ZNF169: variants seen among roughly 807,000 people sequenced by gnomAD.
The protein encoded by ZNF169 is zinc finger protein 169.
Under a neutral mutation model 12.0 loss-of-function variants are expected in ZNF169, and 11 were observed. The ratio of observed to expected loss-of-function variants is 0.92; its 90% CI spans 0.58 to 1.52. The LOEUF is 1.52. Among genes scored for constraint, ZNF169 ranks in the 40% most tolerant of loss-of-function variants. The probability of loss-of-function intolerance (pLI) is 0.00; values close to 1 mark genes in which losing one functional copy is unlikely to be tolerated. For missense variants in ZNF169, 722 were observed against 744.0 expected, an observed-to-expected ratio of 0.97 and a Z score of 0.34; for synonymous variants, 302 against 286.5, an observed-to-expected ratio of 1.05 and a Z score of -0.55.
chr9:94,288,197 G>C, intron 2 of ZNF169: 1 of 806,490 alleles, frequency 1.2e-6, no homozygotes. Context: ...GCTCCTACTT[G>C]TACCCTGTCT....
intron 1 of ZNF169, among the ~76,000 whole-genome samples, chr9:94,269,531 C>T (rs1830355070): frequency 6.6e-6 from 1 of 152,164 alleles, no homozygotes; most frequent in Admixed American, 6.5e-5. Flanking sequence ...TGTCTCATTG[C>T]AAGCTGCCAG....
chr9:94,300,182 A>T lies in ZNF169; in HGVS notation c.624A>T (p.Glu208Asp). The T allele has an allele frequency of 6.2e-7, 1 of 1,614,208 alleles. No individual in the cohort carries two copies. Among genetic ancestry groups the T allele is most frequent in the Non-Finnish European group, 8.5e-7 (1 of 1,180,032 alleles). Residue 208 changes from glutamate (E) to aspartate (D), a missense_variant, in exon 5 of 5, where the codon GAA becomes GAT. Physicochemically the swap from Glu to Asp is conservative, Grantham distance 45. Transcript: ENST00000395395. ...TGTTGAAGGGAGCAGACACTTCAGA[A>T]TCTGGAGCAGTCATACGTGGAAACT... ...DTMLKGADTS[E>D]SGAVIRGNYR...
chr9:94,274,639 G>A (rs760753912), intron 1 of ZNF169, among the ~76,000 whole-genome samples: 24 of 152,144 alleles, frequency 1.6e-4, no homozygotes, highest in Non-Finnish European at 2.6e-4. Flanking sequence ...ACATCAGAGC[G>A]TAACCTAGTC....
intron 1 of ZNF169, among the ~76,000 whole-genome samples, chr9:94,270,487 CTA>C (rs935828724): frequency 1.3e-5 from 2 of 148,516 alleles, no homozygotes; most frequent in African/African-American, 2.5e-5. Flanking sequence ...GGTATTAGTG[CTA>C]TGTTTTTGTA....
intron 4 of ZNF169, 78 bp from the exon 5 acceptor site, chr9:94,299,737 T>G: frequency 2.6e-6 from 4 of 1,525,980 alleles, no homozygotes; most frequent in Non-Finnish European, 3.5e-6. Flanking sequence ...GTTGTGAACA[T>G]CTGAAGAAAA....
At chr9:94,297,366 G>A (rs1339319038) in intron 4 of ZNF169, among the ~76,000 whole-genome samples, 2 of 152,046 alleles carry the variant, frequency 1.3e-5, no homozygotes, top group Non-Finnish European at 2.9e-5. Flanking sequence ...TTGCCCCTAA[G>A]TATTTCATAT....
At chr9:94,277,801 G>A (rs1315483464) in intron 1 of ZNF169, among the ~76,000 whole-genome samples, 4 of 151,748 alleles carry the variant, frequency 2.6e-5, no homozygotes, top group Admixed American at 1.3e-4. Context: ...GCGTGATGGC[G>A]GGCGCCTGTA....
At position 94,287,749 on chromosome 9, in the gene ZNF169, C is replaced by A. The variant is rs1372430937; in HGVS notation, c.34-4592C>A. ...CCAAGCTTGTGGCCACCAGCATTGACGTTCTTGCCATCCAGGAGAGCTGAC... is the reference window on the plus strand; with the variant it reads ...CCAAGCTTGTGGCCACCAGCATTGAAGTTCTTGCCATCCAGGAGAGCTGAC... On this transcript the variant is annotated intron_variant, in intron 2 of 4. Coordinates refer to ENST00000395395, the MANE Select transcript of ZNF169 (RefSeq NM_194320.4). 3.6e-6 allele frequency: 5 copies of A among 1,386,982 alleles called. No individual in the cohort carries two copies. In the African/African-American group the frequency reaches 7.1e-5, roughly 20 times the overall value. The allele number at this position is 1,386,982 out of a possible 1,614,324, so 85.9% of individuals were successfully genotyped here. A position where few individuals can be genotyped will look rare whatever the true frequency, so the allele number is the denominator to read the frequency against.
chr9:94,280,069 G>A (rs779004871), intron 2 of ZNF169, among the ~76,000 whole-genome samples: 1 of 152,176 alleles, frequency 6.6e-6, no homozygotes, highest in Non-Finnish European at 1.5e-5. Flanking sequence ...TGCTAATTCA[G>A]TTTTGCTTTG....
At chr9:94,288,262 A>G in intron 2 of ZNF169, 1 of 806,310 alleles carries the variant, frequency 1.2e-6, no homozygotes, top group Non-Finnish European at 2.2e-6. Context: ...ATTGAAGGTC[A>G]GCTTCAGTTC....
intron 2 of ZNF169, among the ~76,000 whole-genome samples, chr9:94,291,009 TAAACA>T: frequency 1.3e-5 from 2 of 151,546 alleles, no homozygotes; most frequent in Admixed American, 1.3e-4. Flanking sequence ...AAAAATTTTT[TAAACA>T]TCTACTCTGA....
At chr9:94,299,396 A>C in intron 4 of ZNF169, 1 of 559,044 alleles carries the variant, frequency 1.8e-6, no homozygotes, top group Non-Finnish European at 2.7e-6. Context: ...AGATGCTAAG[A>C]TCTTATTTAT....
At chr9:94,293,442 A>G in intron 4 of ZNF169, 1 of 525,358 alleles carries the variant, frequency 1.9e-6, no homozygotes, top group African/African-American at 1.9e-5. Context: ...TTTGAGACAG[A>G]GTCTCGTTCT....
At chr9:94,295,755 T>G (rs1185419332) in intron 4 of ZNF169, 2 of 152,262 alleles carry the variant, frequency 1.3e-5, no homozygotes, top group Non-Finnish European at 2.9e-5. Context: ...TATTCCTTTA[T>G]ATGTCTAGGT....
chr9:94,280,719 T>A (rs1830614933), intron 2 of ZNF169, among the ~76,000 whole-genome samples: 1 of 152,174 alleles, frequency 6.6e-6, no homozygotes, highest in South Asian at 2.1e-4. Flanking sequence ...CATTCCCCTG[T>A]TGGCTAGGGT....
At chr9:94,272,052 A>T (rs1028980372) in intron 1 of ZNF169, among the ~76,000 whole-genome samples, 1 of 152,126 alleles carries the variant, frequency 6.6e-6, no homozygotes, top group Non-Finnish European at 1.5e-5. Context: ...GTTTTGGTAA[A>T]CCTTATGATT....
rs892669651 is a variant in ZNF169, at chr9:94,285,827, T to A, written c.34-6514T>A. Among the ~76,000 whole-genome samples, 3 of 152,114 alleles carry A rather than the reference T, an allele frequency of 2.0e-5. No individual in the cohort carries two copies. In the East Asian group the frequency reaches 5.8e-4, roughly 29 times the overall value. The stretch of plus-strand genomic sequence containing the variant: ...GCGTTCGAGACCAGCCTGACCAACA[T>A]GGAGAACGTCGTCTCTACTAAAAAT... On this transcript the variant is annotated intron_variant, in intron 2 of 4. Transcript: ENST00000395395.
chr9:94,274,529 A>G (rs1587674521), intron 1 of ZNF169, among the ~76,000 whole-genome samples: 1 of 152,134 alleles, frequency 6.6e-6, no homozygotes. Flanking sequence ...TAATATACAG[A>G]TGTTCCTTGA....
chr9:94,292,618 T>TGTGTGTGTGTGTGG, intron 3 of ZNF169, 151 bp downstream of exon 3: 1 of 772,324 alleles, frequency 1.3e-6, no homozygotes, highest in Non-Finnish European at 2.0e-6. Flanking sequence ...TGTGTGTGTG[T>TGTGTGTGTGTGTGG]GTGTGTGTGT....
Sources: allele counts gnomAD v4.1 joint callset (sites outside exome capture counted in the v4.1 genomes callset), GRCh38; gene constraint gnomAD v4.1.1; transcripts MANE v1.5; gene names NCBI Gene and HGNC (gene_info 2026-07-23, HGNC 2026-07-21).